Variants in KCNQ3 observed in about 807,000 individuals in gnomAD.
KCNQ3 encodes the protein potassium voltage-gated channel subfamily KQT member 3.
KCNQ3 carries 30 observed loss-of-function variants against 92.5 expected under a neutral mutation model. That is an observed-to-expected ratio of 0.32 (90% CI 0.24 to 0.44). The LOEUF (loss-of-function observed/expected upper bound fraction) is 0.44, where lower values mean the gene tolerates loss of function less well. KCNQ3 is among the 20% of genes least tolerant of loss of function. The pLI is 1.00. For synonymous variants in KCNQ3, 450 were observed against 468.8 expected (o/e 0.96, Z 0.52); for missense variants, 913 against 1,140.3 (o/e 0.80, Z 2.87).
chr8:132,149,701 T>C (rs1484529839), intron 9 of KCNQ3, among the ~76,000 whole-genome samples: 1 of 152,184 alleles, frequency 6.6e-6, no homozygotes, highest in Non-Finnish European at 1.5e-5. Context: ...CGCGGGACAG[T>C]TGGGCCAGGC....
At chr8:132,203,490 G>T (rs1364950114) in intron 1 of KCNQ3, among the ~76,000 whole-genome samples, 1 of 152,096 alleles carries the variant, frequency 6.6e-6, no homozygotes, top group Non-Finnish European at 1.5e-5. Context: ...TAAAATAATG[G>T]ATATAAAATC....
At chr8:132,262,546 G>A (rs1387019984) in intron 1 of KCNQ3, among the ~76,000 whole-genome samples, 4 of 152,046 alleles carry the variant, frequency 2.6e-5, no homozygotes, top group Non-Finnish European at 5.9e-5. Flanking sequence ...TTAGGGAAAA[G>A]GCATCACAGT....
chr8:132,447,112 T>G, intron 1 of KCNQ3: 1 of 1,138,284 alleles, frequency 8.8e-7, no homozygotes, highest in South Asian at 1.3e-5. Context: ...AAGCTATGCA[T>G]GTGGCTCTTT....
rs1824813428 is a variant in KCNQ3, at chr8:132,129,939, C to G, written c.1942G>C (p.Glu648Gln). The change falls in exon 15 of 15, where the codon GAA (glutamate) becomes CAA (glutamine). Residue 648 changes from glutamate to glutamine, a missense_variant. Physicochemically the swap from Glu to Gln is conservative, Grantham distance 29. Transcript: ENST00000388996. The surrounding 1 kb of genome is among the most constrained non-coding windows in gnomAD (Gnocchi z 5.9). Reference protein sequence around the residue: ...FLVDMHMQHMERLQVQVTEYY... With the variant: ...FLVDMHMQHMQRLQVQVTEYY... ...TCCGTGACCTGCACCTGCAACCGTTCCATGTGTTGCATGTGCATATCCACG... is the reference window on the plus strand; with the variant it reads ...TCCGTGACCTGCACCTGCAACCGTTGCATGTGTTGCATGTGCATATCCACG... 5 of 1,614,004 alleles carry G rather than the reference C, an allele frequency of 3.1e-6. No homozygotes were observed. The highest frequency in any genetic ancestry group is 4.2e-6 in the Non-Finnish European group (5 of 1,179,898).
intron 1 of KCNQ3, among the ~76,000 whole-genome samples, chr8:132,441,582 A>AAAACAAACAAAC (rs56692449): frequency 1.3e-5 from 2 of 150,728 alleles, no homozygotes; most frequent in Non-Finnish European, 3.0e-5. Flanking sequence ...AAAACAAAAC[A>AAAACAAACAAAC]AAACAAACAA....
At position 132,124,883 on chromosome 8, in the gene KCNQ3, T is replaced by C. The variant is rs928040585; in HGVS notation, c.*4379A>G. On this transcript the variant is annotated 3_prime_UTR_variant, in exon 15 of 15. Coordinates refer to ENST00000388996, the MANE Select transcript of KCNQ3 (RefSeq NM_004519.4). ...ACAGGGGTGGGAGAATCCTGGGGTG[T>C]GTTTGGCAGCACTGTCCAAAGTACA... The C allele has an allele frequency of 1.3e-5, 2 of 152,200 alleles. No individual in the cohort carries two copies. The highest frequency in any genetic ancestry group is 2.9e-5 in the Non-Finnish European group (2 of 68,044). The allele number at this position is 152,200 out of a possible 1,614,324, so 9.4% of individuals were successfully genotyped here. A position where few individuals can be genotyped will look rare whatever the true frequency, so the allele number is the denominator to read the frequency against.
chr8:132,184,124 G>T, intron 3 of KCNQ3, 117 bp downstream of exon 3: 1 of 1,288,772 alleles, frequency 7.8e-7, no homozygotes, highest in Non-Finnish European at 1.1e-6. Context: ...CAGGGGCTGA[G>T]CTGGCCTCCA....
rs750236695 is a variant in KCNQ3 at position 132,246,109 on chromosome 8, G to A, written c.387-59928C>T. ...TCGGAGCATGGTTCGTTTTCCACAC[G>A]GGGCATGGCCAGGGGCCCTCAGTTA... On this transcript the variant is annotated intron_variant, in intron 1 of 14. Coordinates refer to ENST00000388996, the MANE Select transcript of KCNQ3 (RefSeq NM_004519.4). Among the ~76,000 whole-genome samples the A allele has an allele frequency of 3.4e-4, 51 of 152,152 alleles. 1 individual carries two copies. The highest frequency in any genetic ancestry group is 1.1e-3 in the African/African-American group (45 of 41,444).
At chr8:132,193,119 C>T (rs958405180) in intron 1 of KCNQ3, among the ~76,000 whole-genome samples, 1 of 152,170 alleles carries the variant, frequency 6.6e-6, no homozygotes, top group Non-Finnish European at 1.5e-5. Flanking sequence ...CTACACCCTG[C>T]AGGAGTAAGC....
Position 132,124,864 on chromosome 8 carries a change from G to A in KCNQ3, c.*4398C>T, listed in dbSNP as rs188017436. 1.3e-5 allele frequency: 2 copies of A among 152,310 alleles called. No homozygotes were observed. The highest frequency in any genetic ancestry group is 2.4e-5 in the African/African-American group (1 of 41,568). 9.4% of individuals were successfully genotyped at this position (152,310 alleles called of 1,614,324 possible). A position where few individuals can be genotyped will look rare whatever the true frequency, so the allele number is the denominator to read the frequency against. On this transcript the variant is annotated 3_prime_UTR_variant, in exon 15 of 15. Transcript: ENST00000388996. ...TGGCATCTTCTGGGAAAGCACAGGG[G>A]TGGGAGAATCCTGGGGTGTGTTTGG...
At chr8:132,234,787 C>T (rs1586851400) in intron 1 of KCNQ3, among the ~76,000 whole-genome samples, 2 of 152,170 alleles carry the variant, frequency 1.3e-5, no homozygotes, top group Non-Finnish European at 2.9e-5. Flanking sequence ...CTTGTCACCA[C>T]ATCAGGTTGC....
At chr8:132,421,569 C>G (rs969724593) in intron 1 of KCNQ3, among the ~76,000 whole-genome samples, 73 of 152,254 alleles carry the variant, frequency 4.8e-4, no homozygotes, top group African/African-American at 1.7e-3. Flanking sequence ...GGGGGATTCA[C>G]TTGGGGCAGA....
intron 1 of KCNQ3, among the ~76,000 whole-genome samples, chr8:132,377,565 C>A (rs549322139): frequency 3.1e-4 from 47 of 152,302 alleles, no homozygotes; most frequent in African/African-American, 1.1e-3. Flanking sequence ...ACTTGTCACA[C>A]TCTACTGAAA....
chr8:132,328,762 T>C (rs1021882261), intron 1 of KCNQ3, among the ~76,000 whole-genome samples: 4 of 152,180 alleles, frequency 2.6e-5, no homozygotes, highest in Non-Finnish European at 2.9e-5. Context: ...TCTTTGGGTA[T>C]TATAGTTTCT....
intron 11 of KCNQ3, 145 bp from the exon 12 acceptor site, chr8:132,138,161 G>A (rs1825168068): frequency 4.6e-6 from 4 of 869,620 alleles, no homozygotes; most frequent in Non-Finnish European, 7.4e-6. Context: ...TTTGGTTCTG[G>A]TTCTACCCCT....
intron 1 of KCNQ3, among the ~76,000 whole-genome samples, chr8:132,242,734 G>T (rs564591905): frequency 6.6e-6 from 1 of 152,200 alleles, no homozygotes. Context: ...ATGAATGAAT[G>T]AATAATTGAA....
chr8:132,140,882 A>G, intron 10 of KCNQ3: 1 of 540,246 alleles, frequency 1.9e-6, no homozygotes, highest in South Asian at 2.1e-5. Context: ...TTAGAAACCA[A>G]GGTGACAGGT....
chr8:132,248,314 G>T (rs1815256782), intron 1 of KCNQ3, among the ~76,000 whole-genome samples: 1 of 142,006 alleles, frequency 7.0e-6, no homozygotes, highest in African/African-American at 2.6e-5. Context: ...GCTGATCCAT[G>T]GACCTTTTTT....
chr8:132,347,502 T>C (rs1818726606), intron 1 of KCNQ3, among the ~76,000 whole-genome samples: 1 of 152,152 alleles, frequency 6.6e-6, no homozygotes, highest in Non-Finnish European at 1.5e-5. Flanking sequence ...AGGGTATATA[T>C]AAATACTTAA....
Sources: allele counts gnomAD v4.1 joint callset (sites outside exome capture counted in the v4.1 genomes callset), GRCh38; gene constraint gnomAD v4.1.1; non-coding constraint Gnocchi (gnomAD v3.1); transcripts MANE v1.5; gene names NCBI Gene and HGNC (gene_info 2026-07-23, HGNC 2026-07-21).